The following MMP15 variants were observed in gnomAD, a reference collection of about 807,000 sequenced individuals.
MMP15 encodes the protein matrix metalloproteinase-15.
A neutral mutation model predicts 65.0 loss-of-function variants in MMP15; 36 were observed. The ratio of observed to expected loss-of-function variants is 0.55; its 90% CI spans 0.42 to 0.73. The LOEUF is 0.73. Among genes scored for constraint, MMP15 ranks in the 30% least tolerant of loss-of-function variants. The pLI is 0.00. For synonymous variants in MMP15, 428 were observed against 410.2 expected (o/e 1.04, Z -0.52); for missense variants, 870 against 987.8 (o/e 0.88, Z 1.60).
chr16:58,026,337 T>C lies in MMP15; in HGVS notation c.-14T>C. The C allele has an allele frequency of 2.2e-6, 3 of 1,338,138 alleles. No individual in the cohort carries two copies. Among genetic ancestry groups the C allele is most frequent in the Non-Finnish European group, 1.9e-6 (2 of 1,049,232 alleles). The allele number at this position is 1,338,138 out of a possible 1,614,324, so 82.9% of individuals were successfully genotyped here. A position where few individuals can be genotyped will look rare whatever the true frequency, so the allele number is the denominator to read the frequency against. ...CGGCGTGCAGTGTTCCGAGCTGGGC[T>C]GGGCGCCGAGAGCATGGGCAGCGAC... is the stretch of plus-strand genomic sequence containing the variant. On this transcript the variant is annotated 5_prime_UTR_variant, in exon 1 of 10. Coordinates refer to ENST00000219271, the MANE Select transcript of MMP15 (RefSeq NM_002428.4).
chr16:58,032,055 A>G (rs1963896363), intron 1 of MMP15, among the ~76,000 whole-genome samples: 2 of 151,732 alleles, frequency 1.3e-5, no homozygotes, highest in African/African-American at 4.8e-5. Flanking sequence ...TTTAGTAGAG[A>G]CAGGGTTTCA....
chr16:58,030,880 A>G (rs979427179), intron 1 of MMP15, among the ~76,000 whole-genome samples: 1 of 152,052 alleles, frequency 6.6e-6, no homozygotes, highest in Non-Finnish European at 1.5e-5. Context: ...GGGAATAGCA[A>G]TGGTCTATCT....
intron 6 of MMP15, 81 bp downstream of exon 6, chr16:58,041,951 G>A (rs1227508769): frequency 6.9e-7 from 1 of 1,456,024 alleles, no homozygotes; most frequent in Non-Finnish European, 9.2e-7. Context: ...CACTCAGCAG[G>A]CCCCGGGGAG....
rs1438787140 is a variant in MMP15, at chr16:58,045,242, G to A, written c.1806G>A (p.Gly602=). ...TGGGGGATGGGGATGGGGACTTTGGGGCCGGGGTCAACAAGGACGGGGGCA... is the reference window on the plus strand; with the variant it reads ...TGGGGGATGGGGATGGGGACTTTGGAGCCGGGGTCAACAAGGACGGGGGCA... The part of the protein sequence containing the change: ...GDVGDGDGDF[G]AGVNKDGGSR... Residue 602 remains glycine (G), a synonymous_variant, in exon 10 of 10, where the codon GGG becomes GGA. Coordinates refer to ENST00000219271, the MANE Select transcript of MMP15 (RefSeq NM_002428.4). 1 of 1,605,716 alleles carries A rather than the reference G, an allele frequency of 6.2e-7. No homozygotes were observed. Among genetic ancestry groups the A allele is most frequent in the Non-Finnish European group, 8.5e-7 (1 of 1,177,318 alleles).
rs1394548889 is a variant in MMP15, at chr16:58,045,217, TG to T, written c.1786del (p.Asp596MetfsTer29). The T allele has an allele frequency of 6.3e-7, 1 of 1,597,198 alleles. No individual in the cohort carries two copies. The highest frequency in any genetic ancestry group is 8.5e-7 in the Non-Finnish European group (1 of 1,173,224). ...EPGADSAEGDVGDGDGDFGAG... is the reference protein window; with the variant it reads ...EPGADSAEGDXGDGDGDFGAG... ...GGGGCGGACAGCGCAGAGGGCGACG[TG>T]GGGGATGGGGATGGGGACTTTGGGG... On this transcript the variant is annotated frameshift_variant, in exon 10 of 10. Coordinates refer to ENST00000219271, the MANE Select transcript of MMP15 (RefSeq NM_002428.4). LOFTEE classifies it high-confidence loss of function.
Position 58,045,357 on chromosome 16 carries a change from G to A in MMP15, c.1921G>A (p.Gly641Ser). The A allele has an allele frequency of 6.2e-7, 1 of 1,601,694 alleles. No homozygotes were observed. The highest frequency in any genetic ancestry group is 1.3e-5 in the African/African-American group (1 of 74,942). The change falls in exon 10 of 10, where the codon GGC becomes AGC. Residue 641 changes from glycine to serine, a missense_variant. Transcript: ENST00000219271. ...VPLLLLLCVL[G>S]LTYALVQMQR... is the part of the protein sequence containing the mutation. Reference sequence around the variant, plus strand: ...ACTGCTGCTGCTGCTCTGCGTCCTGGGCCTCACCTACGCGCTGGTGCAGAT... The same window carrying A: ...ACTGCTGCTGCTGCTCTGCGTCCTGAGCCTCACCTACGCGCTGGTGCAGAT...
At chr16:58,040,236 A>T in intron 4 of MMP15, 54 bp downstream of exon 4, 1 of 1,546,912 alleles carries the variant, frequency 6.5e-7, no homozygotes, top group Non-Finnish European at 8.7e-7. Flanking sequence ...GGAGCTGGGC[A>T]ACAACACCCT....
Position 58,037,547 on chromosome 16 carries a change from G to C in MMP15, c.238G>C (p.Ala80Pro). Residue 80 changes from alanine (A) to proline (P), a missense_variant, in exon 2 of 10, where the codon GCC becomes CCC. Physicochemically the swap from Ala to Pro is conservative, Grantham distance 27 (BLOSUM62 -1). Coordinates refer to ENST00000219271, the MANE Select transcript of MMP15 (RefSeq NM_002428.4). ...CACCATGCGTTCCGCCCAGATCTTG[G>C]CCTCGGCCCTTGCAGAGATGCAGCG... is the stretch of plus-strand genomic sequence containing the variant. ...MSTMRSAQIL[A>P]SALAEMQRFY... 6.2e-7 allele frequency: 1 copy of C among 1,614,206 alleles called. No homozygotes were observed. The highest frequency in any genetic ancestry group is 8.5e-7 in the Non-Finnish European group (1 of 1,180,040).
chr16:58,038,500 G>C, intron 3 of MMP15, 106 bp downstream of exon 3: 1 of 1,435,406 alleles, frequency 7.0e-7, no homozygotes. Context: ...AGTCCAGCCC[G>C]CTTTCACGCT....
At chr16:58,029,454 C>G (rs1449128670) in intron 1 of MMP15, among the ~76,000 whole-genome samples, 1 of 152,234 alleles carries the variant, frequency 6.6e-6, no homozygotes, top group Non-Finnish European at 1.5e-5. Context: ...CCTCTTGTCT[C>G]TGCTTTTTAC....
rs756434417 is a variant in MMP15, at chr16:58,045,161, G to A, written c.1725G>A (p.Pro575=). ...PGPRWPDVAR[P]PFNPHGGAEP... ...CCCGATGGCCCGACGTGGCCCGGCC[G>A]CCCTTCAACCCCCACGGGGGTGCAG... Residue 575 remains proline (P), a synonymous_variant, in exon 10 of 10, where the codon CCG becomes CCA. Transcript: ENST00000219271. 1.0e-5 allele frequency: 16 copies of A among 1,595,618 alleles called. No homozygotes were observed. The highest frequency in any genetic ancestry group is 6.8e-5 in the East Asian group (3 of 44,172).
At chr16:58,037,199 T>C (rs1385374520) in intron 1 of MMP15, among the ~76,000 whole-genome samples, 1 of 152,198 alleles carries the variant, frequency 6.6e-6, no homozygotes, top group East Asian at 1.9e-4. Context: ...TTGTGGCTCT[T>C]GTACAAATGG....
Position 58,026,168 on chromosome 16 carries a change from C to A in MMP15, c.-183C>A. The stretch of plus-strand genomic sequence containing the variant: ...GGCTGGTTCCGAGCTCCCGGACCTG[C>A]CCTGCCCGCTTCTCCTCGGGCTTGG... On this transcript the variant is annotated 5_prime_UTR_variant, in exon 1 of 10. Transcript: ENST00000219271. 1 of 579,608 alleles carries A rather than the reference C, an allele frequency of 1.7e-6. No individual in the cohort carries two copies. The highest frequency in any genetic ancestry group is 3.6e-5 in the East Asian group (1 of 28,028). The allele number at this position is 579,608 out of a possible 1,614,324, so 35.9% of individuals were successfully genotyped here. A position where few individuals can be genotyped will look rare whatever the true frequency, so the allele number is the denominator to read the frequency against.
chr16:58,042,401 C>A (rs188793812), intron 7 of MMP15, 32 bp downstream of exon 7: 1 of 1,609,564 alleles, frequency 6.2e-7, no homozygotes, highest in Non-Finnish European at 8.5e-7. Context: ...GGGTTGGGCA[C>A]GCCTCCTGCC....
rs759216404 is a variant in MMP15, at chr16:58,042,253, G to A, written c.1187G>A (p.Arg396Gln). The change falls in exon 7 of 10, where the codon CGG becomes CAG. Residue 396 changes from arginine to glutamine, a missense_variant. Transcript: ENST00000219271. Reference protein sequence around the residue: ...VFKGRWFWRVRHNRVLDNYPM... With the variant: ...VFKGRWFWRVQHNRVLDNYPM... ...CAGGGCCGCTGGTTCTGGCGAGTCC[G>A]GCACAACCGCGTCCTGGACAACTAT... 7.4e-6 allele frequency: 12 copies of A among 1,614,096 alleles called. No individual in the cohort carries two copies. The highest frequency in any genetic ancestry group is 3.3e-5 in the Admixed American group (2 of 60,018).
chr16:58,039,625 TGTATTTTA>T (rs1291735791), intron 3 of MMP15, among the ~76,000 whole-genome samples: 1 of 152,254 alleles, frequency 6.6e-6, no homozygotes, highest in African/African-American at 2.4e-5. Flanking sequence ...ACATAGCACC[TGTATTTTA>T]GTTTACTTAA....
chr16:58,026,284 G>T lies in MMP15; in HGVS notation c.-67G>T. On this transcript the variant is annotated 5_prime_UTR_variant, in exon 1 of 10. Transcript: ENST00000219271. Reference sequence around the variant, plus strand: ...GCCGGGCCAGGAGCCAGGGAGCGTCGCAAGTTTCCAAGGCGCGTGCGAGGA... The same window carrying T: ...GCCGGGCCAGGAGCCAGGGAGCGTCTCAAGTTTCCAAGGCGCGTGCGAGGA... 8.0e-7 allele frequency: 1 copy of T among 1,242,916 alleles called. No individual in the cohort carries two copies. Among genetic ancestry groups the T allele is most frequent in the Non-Finnish European group, 1.0e-6 (1 of 992,776 alleles). 77.0% of individuals were successfully genotyped at this position (1,242,916 alleles called of 1,614,324 possible). A position where few individuals can be genotyped will look rare whatever the true frequency, so the allele number is the denominator to read the frequency against.
chr16:58,044,387 C>T (rs1220963970), intron 9 of MMP15, among the ~76,000 whole-genome samples: 1 of 152,232 alleles, frequency 6.6e-6, no homozygotes, highest in Admixed American at 6.5e-5. Flanking sequence ...GTCAAGGCTG[C>T]AGTGAGCTGT....
chr16:58,042,724 G>A (rs986250139), intron 7 of MMP15, among the ~76,000 whole-genome samples: 1 of 152,216 alleles, frequency 6.6e-6, no homozygotes, highest in Non-Finnish European at 1.5e-5. Context: ...CTGCAGAGAC[G>A]AGGTCTTGCA....
Sources: allele counts gnomAD v4.1 joint callset (sites outside exome capture counted in the v4.1 genomes callset), GRCh38; gene constraint gnomAD v4.1.1; transcripts MANE v1.5; gene names NCBI Gene and HGNC (gene_info 2026-07-23, HGNC 2026-07-21).